AKAP6: variants seen among roughly 807,000 people sequenced by gnomAD.
The protein encoded by AKAP6 is A-kinase anchor protein 6.
AKAP6 carries 58 observed loss-of-function variants against 188.5 expected under a neutral mutation model. That is an observed-to-expected ratio of 0.31 (90% CI 0.25 to 0.38). AKAP6 has a LOEUF of 0.38. Among genes scored for constraint, AKAP6 ranks in the 10% least tolerant of loss-of-function variants. The pLI is 1.00. For synonymous variants in AKAP6, 989 were observed against 998.6 expected (o/e 0.99, Z 0.18); for missense variants, 2,710 against 2,740.0 (o/e 0.99, Z 0.24).
chr14:32,454,448 C>T (rs755129427), intron 2 of AKAP6, among the ~76,000 whole-genome samples: 1 of 152,168 alleles, frequency 6.6e-6, no homozygotes, highest in Non-Finnish European at 1.5e-5. Context: ...AGCTCAGCTT[C>T]TCATGTGGCC....
intron 2 of AKAP6, chr14:32,474,138 T>A (rs893129094): frequency 6.6e-6 from 1 of 152,218 alleles, no homozygotes; most frequent in Non-Finnish European, 1.5e-5. Context: ...TCTCAGGTGA[T>A]CCACCCGCCT....
intron 4 of AKAP6, 95 bp from the exon 5 acceptor site, chr14:32,577,025 T>A: frequency 7.0e-7 from 1 of 1,426,624 alleles, no homozygotes; most frequent in Non-Finnish European, 9.4e-7. Context: ...TGATCATGGA[T>A]AAAATTTGGA....
intron 1 of AKAP6, among the ~76,000 whole-genome samples, chr14:32,386,038 A>C (rs921922547): frequency 1.3e-5 from 2 of 150,970 alleles, no homozygotes; most frequent in African/African-American, 4.9e-5. Context: ...TCTACATCTC[A>C]CAGTTTCTTT....
At chr14:32,755,808 G>T (rs1255842619) in intron 11 of AKAP6, among the ~76,000 whole-genome samples, 1 of 152,148 alleles carries the variant, frequency 6.6e-6, no homozygotes, top group African/African-American at 2.4e-5. Context: ...GCCCAGCCAA[G>T]ACAATTATTT....
rs1288550800 is a variant in AKAP6 at position 32,568,584 on chromosome 14, G to GT, written c.2347-8535dup. On this transcript the variant is annotated intron_variant, in intron 4 of 13. Coordinates refer to ENST00000280979, the MANE Select transcript of AKAP6 (RefSeq NM_004274.5). The surrounding 1 kb of genome is among the most constrained non-coding windows in gnomAD (Gnocchi z 6.2). ...AAAGATGATCTGATCTGCTTATCCA[G>GT]TGTCTTGGAGGATTGGGGGTGCTTG... Among the ~76,000 whole-genome samples, 1 of 152,136 alleles carries GT rather than the reference G, an allele frequency of 6.6e-6. No individual in the cohort carries two copies. The highest frequency in any genetic ancestry group is 1.5e-5 in the Non-Finnish European group (1 of 68,032).
chr14:32,408,191 C>T (rs769994534), intron 1 of AKAP6, among the ~76,000 whole-genome samples: 5 of 152,066 alleles, frequency 3.3e-5, no homozygotes, highest in African/African-American at 7.2e-5. Flanking sequence ...AGAACTCCTC[C>T]AAGACTCTGG....
chr14:32,492,594 T>C (rs1412235095), intron 2 of AKAP6, among the ~76,000 whole-genome samples: 1 of 152,026 alleles, frequency 6.6e-6, no homozygotes, highest in Non-Finnish European at 1.5e-5. Context: ...TGGCAAGAGC[T>C]GACAGCTATT....
Position 32,678,346 on chromosome 14 carries a change from A to C in AKAP6, c.2766A>C (p.Arg922Ser), listed in dbSNP as rs1889523807. ...EVQLCYLEAQRDAVEQMSLKL... is the reference protein window; with the variant it reads ...EVQLCYLEAQSDAVEQMSLKL... ...AACTATGCTACCTGGAAGCACAAAG[A>C]GATGCTGTTGAGCAGATGTCCCTCA... Residue 922 changes from arginine (R) to serine (S), a missense_variant, in exon 8 of 14, where the codon AGA (arginine) becomes AGC (serine). Coordinates refer to ENST00000280979, the MANE Select transcript of AKAP6 (RefSeq NM_004274.5). The C allele has an allele frequency of 6.2e-7, 1 of 1,613,418 alleles. No individual in the cohort carries two copies. The highest frequency in any genetic ancestry group is 1.3e-5 in the African/African-American group (1 of 74,924).
Position 32,546,455 on chromosome 14 carries a change from A to G in AKAP6, c.1802A>G (p.His601Arg). ...IMSPVPLLSK[H>R]KSKKGQASSP... ...TCTCCGGTGCCACTTCTTTCAAAAC[A>G]CAAAAGCAAAAAAGGTCAAGCCTCC... is the stretch of plus-strand genomic sequence containing the variant. Residue 601 changes from histidine to arginine, a missense_variant, in exon 4 of 14, where the codon CAC becomes CGC. His to Arg is a conservative substitution (Grantham distance 29). Around this residue, in one of 2 missense-constraint regions of AKAP6, gnomAD observed 2,473 missense variants for 2,426.1 expected, o/e 1.02. Coordinates refer to ENST00000280979, the MANE Select transcript of AKAP6 (RefSeq NM_004274.5). 1 of 1,614,190 alleles carries G rather than the reference A, an allele frequency of 6.2e-7. No individual in the cohort carries two copies. Among genetic ancestry groups the G allele is most frequent in the East Asian group, 2.2e-5 (1 of 44,874 alleles).
At chr14:32,521,565 C>T (rs1376636166) in intron 2 of AKAP6, among the ~76,000 whole-genome samples, 1 of 152,166 alleles carries the variant, frequency 6.6e-6, no homozygotes, top group African/African-American at 2.4e-5. Flanking sequence ...AGAGCCAAAT[C>T]ATGAGTGAAC....
chr14:32,332,012 T>A (rs1245704097), intron 1 of AKAP6, among the ~76,000 whole-genome samples: 1 of 152,166 alleles, frequency 6.6e-6, no homozygotes, highest in Non-Finnish European at 1.5e-5. Context: ...TCTTACTGTG[T>A]ATCAGTACTG....
chr14:32,531,949 T>C (rs1250717750), intron 2 of AKAP6, among the ~76,000 whole-genome samples: 1 of 152,228 alleles, frequency 6.6e-6, no homozygotes, highest in African/African-American at 2.4e-5. Context: ...GGGTGGAGCT[T>C]CTTTTCATTT....
intron 2 of AKAP6, among the ~76,000 whole-genome samples, chr14:32,516,555 T>G (rs1330403612): frequency 6.6e-6 from 1 of 152,194 alleles, no homozygotes; most frequent in African/African-American, 2.4e-5. Context: ...AGTAGTAGTA[T>G]TAAGATAGTA....
intron 1 of AKAP6, among the ~76,000 whole-genome samples, chr14:32,346,114 C>T (rs1046987305): frequency 3.3e-5 from 5 of 152,126 alleles, no homozygotes; most frequent in African/African-American, 1.2e-4. Context: ...ATCATGAAGA[C>T]CACTACTCTA....
intron 9 of AKAP6, among the ~76,000 whole-genome samples, chr14:32,720,205 A>G (rs566785840): frequency 1.3e-5 from 2 of 152,350 alleles, no homozygotes; most frequent in East Asian, 1.9e-4. Context: ...CAAATATTCA[A>G]GATACTCTGT....
intron 3 of AKAP6, among the ~76,000 whole-genome samples, chr14:32,536,580 C>A (rs1423519999): frequency 2.0e-5 from 3 of 151,892 alleles, no homozygotes; most frequent in African/African-American, 7.3e-5. Flanking sequence ...TCAGCAAACT[C>A]CCATGATTCA....
intron 4 of AKAP6, among the ~76,000 whole-genome samples, chr14:32,572,991 T>C (rs1884559147): frequency 6.6e-6 from 1 of 151,994 alleles, no homozygotes; most frequent in Admixed American, 6.6e-5. Flanking sequence ...AAAGCCTGTA[T>C]AAAATAGGAG....
At chr14:32,625,447 C>A (rs942219925) in intron 7 of AKAP6, among the ~76,000 whole-genome samples, 21 of 152,068 alleles carry the variant, frequency 1.4e-4, no homozygotes, top group Non-Finnish European at 2.8e-4. Flanking sequence ...CTCTTGACAG[C>A]TATAAATGTT....
chr14:32,416,691 A>AT (rs1016702951), intron 1 of AKAP6, among the ~76,000 whole-genome samples: 3 of 151,976 alleles, frequency 2.0e-5, no homozygotes, highest in African/African-American at 7.3e-5. Flanking sequence ...AGTAGCTGAG[A>AT]TTACAGGTGC....
Sources: gnomAD v4.1 joint callset for allele counts (sites outside exome capture counted in the v4.1 genomes callset) on GRCh38, gnomAD v4.1.1 for gene constraint, gnomAD v4.1.1 regional missense constraint, Gnocchi (gnomAD v3.1) non-coding constraint, MANE v1.5 for transcripts, NCBI Gene and HGNC (gene_info 2026-07-23, HGNC 2026-07-21) for gene names.